The following SGMS1 variants were observed in gnomAD, a reference collection of about 807,000 sequenced individuals.
SGMS1 encodes sphingomyelin synthase 1.
A neutral mutation model predicts 46.2 loss-of-function variants in SGMS1; 13 were observed. The observed-to-expected ratio is 0.28, with a 90% CI of 0.18 to 0.45. The LOEUF is 0.45. Among genes scored for constraint, SGMS1 ranks in the 20% least tolerant of loss-of-function variants. SGMS1 has a pLI of 1.00. For synonymous variants in SGMS1, 203 were observed against 187.8 expected (o/e 1.08, Z -0.66); for missense variants, 324 against 519.9 (o/e 0.62, Z 3.66).
At chr10:50,427,762 T>C (rs771219044) in intron 6 of SGMS1, among the ~76,000 whole-genome samples, 6 of 152,174 alleles carry the variant, frequency 3.9e-5, no homozygotes, top group Non-Finnish European at 8.8e-5. Context: ...TCCTGAAGGC[T>C]GGGTCCAGGG....
intron 6 of SGMS1, among the ~76,000 whole-genome samples, chr10:50,375,521 GAGA>G (rs1848511109): frequency 1.3e-5 from 2 of 152,320 alleles, no homozygotes; most frequent in Non-Finnish European, 2.9e-5. Flanking sequence ...CACAAATCTT[GAGA>G]AGGAGGGTTT....
chr10:50,341,706 T>C (rs556463684), intron 7 of SGMS1, among the ~76,000 whole-genome samples: 1 of 74,612 alleles, frequency 1.3e-5, no homozygotes, highest in South Asian at 4.9e-4. Flanking sequence ...AGCACTGAGT[T>C]AATTTTGTCA....
At chr10:50,535,665 G>A (rs1837994501) in intron 2 of SGMS1, among the ~76,000 whole-genome samples, 1 of 152,092 alleles carries the variant, frequency 6.6e-6, no homozygotes, top group African/African-American at 2.4e-5. Flanking sequence ...ACCACGCCAG[G>A]CCAAGCTTAA....
chr10:50,404,530 G>T (rs757577920), intron 6 of SGMS1, among the ~76,000 whole-genome samples: 14 of 152,060 alleles, frequency 9.2e-5, no homozygotes. Flanking sequence ...TTGAGCCCAC[G>T]AGTTTGAGGT....
intron 2 of SGMS1, among the ~76,000 whole-genome samples, chr10:50,539,012 T>C (rs868080169): frequency 6.6e-6 from 1 of 152,234 alleles, no homozygotes; most frequent in South Asian, 2.1e-4. Flanking sequence ...CACTTGGCAA[T>C]GCCAACTTTT....
chr10:50,556,346 T>C (rs183186311), intron 2 of SGMS1, among the ~76,000 whole-genome samples: 4 of 152,154 alleles, frequency 2.6e-5, no homozygotes, highest in Admixed American at 2.0e-4. Flanking sequence ...CTAAGTGCCA[T>C]GGAGGAAACA....
chr10:50,458,854 T>C (rs1349294779), intron 5 of SGMS1, among the ~76,000 whole-genome samples: 4 of 152,180 alleles, frequency 2.6e-5, no homozygotes, highest in African/African-American at 7.2e-5. Flanking sequence ...TTCAAATTAT[T>C]TAGCCCCTTA....
chr10:50,433,276 C>A (rs1019106334), intron 6 of SGMS1, among the ~76,000 whole-genome samples, 200 bp downstream of exon 6: 5 of 152,174 alleles, frequency 3.3e-5, no homozygotes, highest in South Asian at 4.1e-4. Flanking sequence ...AAATGACACA[C>A]CCTATCAAGA....
intron 6 of SGMS1, among the ~76,000 whole-genome samples, chr10:50,393,350 A>G (rs565540581): frequency 4.3e-4 from 65 of 152,234 alleles, no homozygotes; most frequent in Non-Finnish European, 8.7e-4. Flanking sequence ...ACAGGAGAAG[A>G]GAAAGGAAAG....
At chr10:50,324,177 A>G (rs1847493974) in intron 8 of SGMS1, among the ~76,000 whole-genome samples, 1 of 152,222 alleles carries the variant, frequency 6.6e-6, no homozygotes, top group Admixed American at 6.5e-5. Context: ...GATTTCAAAA[A>G]GCATCATTAG....
At chr10:50,454,554 T>C (rs1837166922) in intron 5 of SGMS1, among the ~76,000 whole-genome samples, 5 of 152,182 alleles carry the variant, frequency 3.3e-5, no homozygotes, top group Non-Finnish European at 5.9e-5. Context: ...GAGTCTAAGA[T>C]GCTTAAGGTA....
intron 1 of SGMS1, among the ~76,000 whole-genome samples, chr10:50,600,277 C>G (rs1838637558): frequency 6.6e-6 from 1 of 152,198 alleles, no homozygotes; most frequent in African/African-American, 2.4e-5. Context: ...GAGAAGGGCA[C>G]TTGCTTGGGC....
chr10:50,351,147 G>C (rs1478811312), intron 6 of SGMS1, among the ~76,000 whole-genome samples: 1 of 152,200 alleles, frequency 6.6e-6, no homozygotes, highest in Non-Finnish European at 1.5e-5. Flanking sequence ...GATCATTTTG[G>C]AGCTTTAATA....
In SGMS1 at chr10:50,311,409, C is replaced by T. The variant is rs1194837784; in HGVS notation, c.748G>A (p.Gly250Arg). 14 of 1,611,338 alleles carry T rather than the reference C, an allele frequency of 8.7e-6. No individual in the cohort carries two copies. The highest frequency in any genetic ancestry group is 1.7e-5 in the Admixed American group (1 of 59,130). Reference protein sequence around the residue: ...MHFNCSPKLFGDWEAQLRRIM... With the variant: ...MHFNCSPKLFRDWEAQLRRIM... Reference sequence around the variant, plus strand: ...CTTCGCAGTTGGGCTTCCCAGTCTCCGAAAAGCTGGCAGAAAAAAAGAAAA... The same window carrying T: ...CTTCGCAGTTGGGCTTCCCAGTCTCTGAAAAGCTGGCAGAAAAAAAGAAAA... The change falls in exon 9 of 11, where the codon GGA (glycine) becomes AGA (arginine). Residue 250 changes from glycine to arginine, a missense_variant. Gly to Arg is a moderately radical substitution (Grantham distance 125). Transcript: ENST00000361781.
chr10:50,520,954 T>C (rs1239153957), intron 2 of SGMS1, among the ~76,000 whole-genome samples: 5 of 152,040 alleles, frequency 3.3e-5, no homozygotes, highest in African/African-American at 9.7e-5. Context: ...GGCATAATCA[T>C]GGCTCACTGC....
At chr10:50,394,374 G>C (rs994969578) in intron 6 of SGMS1, among the ~76,000 whole-genome samples, 2 of 152,154 alleles carry the variant, frequency 1.3e-5, no homozygotes, top group Admixed American at 1.3e-4. Context: ...GGTAATACAG[G>C]GAATGGCATA....
At chr10:50,481,706 G>A (rs1416619420) in intron 3 of SGMS1, among the ~76,000 whole-genome samples, 3 of 152,178 alleles carry the variant, frequency 2.0e-5, no homozygotes, top group South Asian at 2.1e-4. Flanking sequence ...GGCTTCAGAA[G>A]GGGAGTAATA....
rs571615741 is a variant in SGMS1 at position 50,456,265 on chromosome 10, A to ACAATAAGGAGGTCCTCCTTATTGT, written c.-313+4384_-313+4407dup. On this transcript the variant is annotated intron_variant, in intron 5 of 10. Coordinates refer to ENST00000361781, the MANE Select transcript of SGMS1 (RefSeq NM_147156.4). ...AAAGGCAGAGCTGCTGGTTGATGGG[A>ACAATAAGGAGGTCCTCCTTATTGT]CAATAAGGAGGTCCTCCTTATTGTC... is the stretch of plus-strand genomic sequence containing the variant. Among the ~76,000 whole-genome samples, 1,340 of 151,842 alleles carry ACAATAAGGAGGTCCTCCTTATTGT rather than the reference A, an allele frequency of 8.8e-3. 17 individuals carry two copies. Among genetic ancestry groups the ACAATAAGGAGGTCCTCCTTATTGT allele is most frequent in the African/African-American group, 0.029 (1,189 of 41,228 alleles).
chr10:50,546,096 G>A (rs1256689116), intron 2 of SGMS1, among the ~76,000 whole-genome samples: 1 of 152,164 alleles, frequency 6.6e-6, no homozygotes, highest in Admixed American at 6.5e-5. Flanking sequence ...CGGATAGACT[G>A]CTTGATGGCC....
Sources: gnomAD v4.1 joint callset for allele counts (sites outside exome capture counted in the v4.1 genomes callset) on GRCh38, gnomAD v4.1.1 for gene constraint, MANE v1.5 for transcripts, NCBI Gene and HGNC (gene_info 2026-07-23, HGNC 2026-07-21) for gene names.